Variants in SLC14A2 observed in about 807,000 individuals in gnomAD.
SLC14A2 encodes solute carrier family 14 member 2, also known as urea transporter 2.
SLC14A2 carries 91 observed loss-of-function variants against 104.6 expected under a neutral mutation model. The observed-to-expected ratio is 0.87, with a 90% confidence interval of 0.73 to 1.04. The LOEUF is 1.04. Ranked by LOEUF, SLC14A2 falls within the 50% of genes least tolerant of loss-of-function variation. The pLI is 0.00. For synonymous variants in SLC14A2, 476 were observed against 466.4 expected (o/e 1.02, Z -0.27); for missense variants, 1,189 against 1,156.0 (o/e 1.03, Z -0.41).
At chr18:45,615,836 TGAGAGAGAGAGAGAGAGAGA>T (rs779783446) in intron 1 of SLC14A2, among the ~76,000 whole-genome samples, 62 of 148,656 alleles carry the variant, frequency 4.2e-4, no homozygotes, top group African/African-American at 1.5e-3. Context: ...TGTGTGTGTG[TGAGAGAGAGAGAGAGAGAGA>T]GAGGGAGAGA....
At chr18:45,671,298 CA>C (rs2046131853) in intron 16 of SLC14A2, among the ~76,000 whole-genome samples, 1 of 152,130 alleles carries the variant, frequency 6.6e-6, no homozygotes, top group African/African-American at 2.4e-5. Context: ...ACCAGTGTTC[CA>C]GGAAAGAAAA....
intron 10 of SLC14A2, among the ~76,000 whole-genome samples, chr18:45,660,148 T>C (rs565413215): frequency 1.6e-4 from 24 of 152,158 alleles, no homozygotes; most frequent in African/African-American, 5.5e-4. Context: ...AATATTAAAA[T>C]GCATAGGATA....
the SLC14A2 span, among the ~76,000 whole-genome samples, chr18:45,207,963 C>T: frequency 1.3e-5 from 2 of 152,150 alleles, no homozygotes; most frequent in African/African-American, 4.8e-5. Flanking sequence ...GATGGAACTG[C>T]TACTCAGGAA....
At chr18:45,561,391 G>A (rs1276661765) in intron 2 of SLC14A2, among the ~76,000 whole-genome samples, 1 of 152,160 alleles carries the variant, frequency 6.6e-6, no homozygotes, top group Non-Finnish European at 1.5e-5. Context: ...AGCAAAACAA[G>A]CAGTTTGTCT....
At position 45,236,101 on chromosome 18, in the gene SLC14A2, A is replaced by G. The variant is rs377335421; in HGVS notation, c.-125+22910A>G. Among the ~76,000 whole-genome samples, 5 of 62,754 alleles carry G rather than the reference A, an allele frequency of 8.0e-5. 1 individual carries two copies. Among genetic ancestry groups the G allele is most frequent in the South Asian group, 9.6e-4 (2 of 2,076 alleles). 41.2% of individuals were successfully genotyped at this position (62,754 alleles called of 152,430 possible). ...TGTGTATATATACATATATGTGTGTATATATGTGTATATATACATATATGT... is the reference window on the plus strand; with the variant it reads ...TGTGTATATATACATATATGTGTGTGTATATGTGTATATATACATATATGT... On this transcript the variant is annotated intron_variant, in intron 1 of 20. Coordinates refer to the SLC14A2 transcript ENST00000586448.
intron 1 of SLC14A2, among the ~76,000 whole-genome samples, chr18:45,363,972 G>A (rs1480734854): frequency 6.6e-6 from 1 of 152,164 alleles, no homozygotes; most frequent in African/African-American, 2.4e-5. Context: ...GCATTACAAT[G>A]CAGTCTCCTC....
In SLC14A2 at chr18:45,682,791, T is replaced by A. The variant is rs1216643165; in HGVS notation, c.*272T>A. The A allele has an allele frequency of 2.5e-6, 1 of 399,932 alleles. No individual in the cohort carries two copies. Among genetic ancestry groups the A allele is most frequent in the African/African-American group, 2.0e-5 (1 of 49,094 alleles). The allele number at this position is 399,932 out of a possible 1,614,324, so 24.8% of individuals were successfully genotyped here. The stretch of plus-strand genomic sequence containing the variant: ...CTTGCCCTCTTCTGCGAAATAAGCC[T>A]CATCCTTAAAGAGAAGTCACCGGCC... On this transcript the variant is annotated 3_prime_UTR_variant, in exon 20 of 20. Transcript: ENST00000255226.
At chr18:45,367,349 G>A (rs528751780) in intron 1 of SLC14A2, among the ~76,000 whole-genome samples, 7 of 152,250 alleles carry the variant, frequency 4.6e-5, no homozygotes, top group Admixed American at 2.0e-4. Context: ...AAGAATGAGC[G>A]TCCTTGCCTC....
At chr18:45,342,318 C>G (rs1052487328) in intron 1 of SLC14A2, among the ~76,000 whole-genome samples, 1 of 152,136 alleles carries the variant, frequency 6.6e-6, no homozygotes, top group Non-Finnish European at 1.5e-5. Context: ...AGGGCTTGAG[C>G]TGAGATATGG....
chr18:45,226,271 A>G (rs958593363), intron 1 of SLC14A2, among the ~76,000 whole-genome samples: 4 of 152,202 alleles, frequency 2.6e-5, no homozygotes, highest in Admixed American at 2.6e-4. Context: ...TGATTCCTCA[A>G]GGATCTAGAA....
intron 1 of SLC14A2, among the ~76,000 whole-genome samples, chr18:45,213,883 G>A (rs868753237): frequency 2.6e-5 from 4 of 152,104 alleles, no homozygotes; most frequent in Non-Finnish European, 5.9e-5. Context: ...CAGGGCCCAG[G>A]GACGTTTGGA....
At chr18:45,426,725 A>G (rs2086437504) in intron 1 of SLC14A2, among the ~76,000 whole-genome samples, 1 of 151,510 alleles carries the variant, frequency 6.6e-6, no homozygotes, top group East Asian at 1.9e-4. Context: ...ACACACACAC[A>G]CACACACATA....
At chr18:45,658,045 G>C (rs2045871704) in intron 10 of SLC14A2, among the ~76,000 whole-genome samples, 1 of 152,066 alleles carries the variant, frequency 6.6e-6, no homozygotes, top group Admixed American at 6.6e-5. Context: ...AAAAAAAAAA[G>C]ATCAAATTAT....
intron 1 of SLC14A2, among the ~76,000 whole-genome samples, chr18:45,433,403 A>G (rs1020862633): frequency 6.6e-6 from 1 of 152,158 alleles, no homozygotes; most frequent in Non-Finnish European, 1.5e-5. Context: ...TTCTTCTATG[A>G]TGGATATAAA....
At chr18:45,201,427 G>T in the SLC14A2 span, among the ~76,000 whole-genome samples, 2 of 152,008 alleles carry the variant, frequency 1.3e-5, no homozygotes, top group African/African-American at 4.8e-5. Context: ...TATCGGTATG[G>T]ACTCATGGAT....
intron 1 of SLC14A2, among the ~76,000 whole-genome samples, chr18:45,482,289 A>T (rs1020493679): frequency 3.9e-5 from 6 of 152,232 alleles, no homozygotes; most frequent in African/African-American, 1.4e-4. Context: ...TGGTACAGAC[A>T]TATTAACATA....
the SLC14A2 span, among the ~76,000 whole-genome samples, chr18:45,193,532 C>T: frequency 1.3e-5 from 2 of 152,154 alleles, no homozygotes; most frequent in Non-Finnish European, 2.9e-5. Context: ...ATATGTGTAG[C>T]AATCTATTTC....
intron 1 of SLC14A2, among the ~76,000 whole-genome samples, chr18:45,259,689 T>A (rs1024156629): frequency 6.6e-6 from 1 of 152,144 alleles, no homozygotes; most frequent in African/African-American, 2.4e-5. Context: ...CACTGCACTT[T>A]AGATATTGAA....
Position 45,282,678 on chromosome 18 carries a change from G to A in SLC14A2, c.-125+69487G>A, listed in dbSNP as rs533485433. On this transcript the variant is annotated intron_variant, in intron 1 of 20. Coordinates refer to the SLC14A2 transcript ENST00000586448. Reference sequence around the variant, plus strand: ...CTCGCTGTGTGAGGCTGGACAGTGGGCAAACCATAAAGATGGGATTTCGAA... The same window carrying A: ...CTCGCTGTGTGAGGCTGGACAGTGGACAAACCATAAAGATGGGATTTCGAA... Among the ~76,000 whole-genome samples the A allele has an allele frequency of 1.2e-4, 19 of 152,238 alleles. No homozygotes were observed. The South Asian group carries it at 2.9e-3, about 23-fold the overall frequency.
Sources: allele counts gnomAD v4.1 joint callset (sites outside exome capture counted in the v4.1 genomes callset), GRCh38; gene constraint gnomAD v4.1.1; transcripts MANE v1.5; gene names NCBI Gene and HGNC (gene_info 2026-07-23, HGNC 2026-07-21).